RGPD3: variants seen among roughly 807,000 people sequenced by gnomAD.
RGPD3 encodes the protein ranBP2-like and GRIP domain-containing protein 3.
Under a neutral mutation model 154.5 loss-of-function variants are expected in RGPD3, and 62 were observed. The ratio of observed to expected loss-of-function variants is 0.40; its 90% CI spans 0.33 to 0.50. The LOEUF (loss-of-function observed/expected upper bound fraction) is 0.50, where lower values mean the gene tolerates loss of function less well. Ranked by LOEUF, RGPD3 falls within the 20% of genes least tolerant of loss-of-function variation. The probability of loss-of-function intolerance (pLI) is 0.59; values close to 1 mark genes in which losing one functional copy is unlikely to be tolerated. For synonymous variants in RGPD3, 308 were observed against 607.0 expected (o/e 0.51, Z 7.24); for missense variants, 919 against 1,716.8 (o/e 0.54, Z 8.21).
intron 1 of RGPD3, among the ~76,000 whole-genome samples, 190 bp downstream of exon 1, chr2:106,468,027 C>T (rs1242272007): frequency 2.8e-5 from 4 of 143,570 alleles, no homozygotes; most frequent in Admixed American, 6.8e-5. Context: ...CAGCGCCGGT[C>T]GGGAGCCATG....
chr2:106,458,708 AAG>A (rs1288808247), intron 2 of RGPD3, among the ~76,000 whole-genome samples: 19 of 73,918 alleles, frequency 2.6e-4, no homozygotes, highest in South Asian at 7.3e-4. Flanking sequence ...CTGCCTGAGC[AAG>A]AGAGACAGAT....
intron 1 of RGPD3, among the ~76,000 whole-genome samples, chr2:106,463,662 T>C (rs1292786670): frequency 6.6e-6 from 1 of 151,166 alleles, no homozygotes; most frequent in Non-Finnish European, 1.5e-5. Flanking sequence ...CACAGCTGTG[T>C]AGCAAAGAGG....
intron 1 of RGPD3, 102 bp downstream of exon 1, chr2:106,468,115 G>A (rs938519298): frequency 2.5e-5 from 36 of 1,439,336 alleles, no homozygotes; most frequent in Admixed American, 7.2e-5. Context: ...AGCAGCGCTC[G>A]TCGGGAGCCA....
intron 22 of RGPD3, among the ~76,000 whole-genome samples, chr2:106,407,439 G>C (rs1186288805): frequency 6.6e-6 from 1 of 151,716 alleles, no homozygotes; most frequent in African/African-American, 2.4e-5. Flanking sequence ...AGAACTTCTA[G>C]AAAGTAGAAG....
At chr2:106,418,341 T>C (rs1676875879) in intron 20 of RGPD3, among the ~76,000 whole-genome samples, 1 of 150,228 alleles carries the variant, frequency 6.7e-6, no homozygotes, top group African/African-American at 2.4e-5. Context: ...TTCTAGCAAT[T>C]TTTCAGGATT....
rs1324208581 is a variant in RGPD3, at chr2:106,442,287, C to T, written c.979-907G>A. Among the ~76,000 whole-genome samples the T allele has an allele frequency of 4.2e-4, 41 of 96,602 alleles. 1 individual carries two copies. The Middle Eastern group carries it at 0.018, about 42-fold the overall frequency. The allele number at this position is 96,602 out of a possible 152,430, so 63.4% of individuals were successfully genotyped here. ...TTCAGAGAAATGGAAAATTTAATTACATTACTTTTCTACCCTGCATAAATA... is the reference window on the plus strand; with the variant it reads ...TTCAGAGAAATGGAAAATTTAATTATATTACTTTTCTACCCTGCATAAATA... On this transcript the variant is annotated intron_variant, in intron 7 of 22. Transcript: ENST00000409886.
chr2:106,430,221 T>C (rs1217719919), intron 17 of RGPD3, among the ~76,000 whole-genome samples: 2 of 151,452 alleles, frequency 1.3e-5, no homozygotes, highest in Non-Finnish European at 2.9e-5. Context: ...TGCCAATGAG[T>C]TCTAGGTACC....
At chr2:106,466,456 T>A (rs184609270) in intron 1 of RGPD3, among the ~76,000 whole-genome samples, 574 of 9,294 alleles carry the variant, frequency 0.062, 54 homozygotes, top group East Asian at 0.51. Flanking sequence ...AGGCCGCCGC[T>A]GGGCCGGGTC....
At chr2:106,469,619 T>TA (rs1678760704), upstream of RGPD3, among the ~76,000 whole-genome samples, 1 of 152,202 alleles carries the variant, frequency 6.6e-6, no homozygotes, top group Non-Finnish European at 1.5e-5. Context: ...CCTAACTTGG[T>TA]AAATCCAGGT....
rs1394030150 is a variant in RGPD3, at chr2:106,440,418, TA to T, written c.1066+874del. ...CCTCGGGATGCCCAGATCAAAGATA[TA>T]AAAAAAAATACAGGCAATTTTTATC... is the stretch of plus-strand genomic sequence containing the variant. On this transcript the variant is annotated intron_variant, in intron 8 of 22. Coordinates refer to ENST00000409886, the MANE Select transcript of RGPD3 (RefSeq NM_001144013.2). Among the ~76,000 whole-genome samples the T allele has an allele frequency of 2.7e-5, 4 of 150,112 alleles. No individual in the cohort carries two copies. The East Asian group carries it at 7.8e-4, about 29-fold the overall frequency.
At chr2:106,442,406 T>G (rs552708096) in intron 7 of RGPD3, among the ~76,000 whole-genome samples, 2 of 103,230 alleles carry the variant, frequency 1.9e-5, no homozygotes, top group African/African-American at 7.8e-5. Flanking sequence ...ACATTGTAGA[T>G]AACACATTTT....
At chr2:106,414,313 G>A (rs534056233) in intron 21 of RGPD3, among the ~76,000 whole-genome samples, 1 of 152,276 alleles carries the variant, frequency 6.6e-6, no homozygotes, top group South Asian at 2.1e-4. Context: ...ATCATGAAGA[G>A]AGTATAAATT....
Position 106,415,930 on chromosome 2 carries a change from T to C in RGPD3, c.4984A>G (p.Thr1662Ala), listed in dbSNP as rs1451447190. 6.2e-7 allele frequency: 1 copy of C among 1,611,860 alleles called. No homozygotes were observed. The highest frequency in any genetic ancestry group is 1.7e-5 in the Admixed American group (1 of 59,998). Residue 1662 changes from threonine to alanine, a missense_variant, in exon 21 of 23, where the codon ACC (threonine) becomes GCC (alanine). Coordinates refer to ENST00000409886, the MANE Select transcript of RGPD3 (RefSeq NM_001144013.2). ...KEELVQKLSS[T>A]TKSADHLNGL... ...TTTAAGTGATCTGCACTTTTTGTGG[T>C]GGAACTGAGCTTCTGAACCAATTCT... is the stretch of plus-strand genomic sequence containing the variant.
rs1294973639 is a variant in RGPD3, at chr2:106,448,697, G to T, written c.783-1084C>A. On this transcript the variant is annotated intron_variant, in intron 6 of 22. Coordinates refer to ENST00000409886, the MANE Select transcript of RGPD3 (RefSeq NM_001144013.2). The stretch of plus-strand genomic sequence containing the variant: ...CATGTATGTAGAGCTGAGTTTTTTT[G>T]TTTTTGTTTTTGGAGACAGAATCTC... Among the ~76,000 whole-genome samples the T allele has an allele frequency of 1.9e-4, 28 of 151,010 alleles. 1 individual carries two copies. Among genetic ancestry groups the T allele is most frequent in the African/African-American group, 6.6e-4 (27 of 40,992 alleles).
At chr2:106,414,098 A>G (rs1221354537) in intron 21 of RGPD3, among the ~76,000 whole-genome samples, 2 of 152,050 alleles carry the variant, frequency 1.3e-5, no homozygotes, top group Non-Finnish European at 2.9e-5. Flanking sequence ...GGAATATAAG[A>G]CAATGTAAAA....
Position 106,424,332 on chromosome 2 carries a change from T to C in RGPD3, c.3635A>G (p.Asp1212Gly), listed in dbSNP as rs1414505916. The change falls in exon 20 of 23, where the codon GAT (aspartate) becomes GGT (glycine). Residue 1212 changes from aspartate (D) to glycine (G), a missense_variant. Coordinates refer to ENST00000409886, the MANE Select transcript of RGPD3 (RefSeq NM_001144013.2). ...LKDFKTFLTN[D>G]QTKVAEEENK... ...TTCTTCCTCAGCGACTTTTGTTTGATCATTTGTCAAAAATGTTTTGAAATC... is the reference window on the plus strand; with the variant it reads ...TTCTTCCTCAGCGACTTTTGTTTGACCATTTGTCAAAAATGTTTTGAAATC... 1.2e-6 allele frequency: 2 copies of C among 1,611,900 alleles called. No homozygotes were observed. Among genetic ancestry groups the C allele is most frequent in the East Asian group, 2.2e-5 (1 of 44,870 alleles).
intron 22 of RGPD3, among the ~76,000 whole-genome samples, chr2:106,412,327 TTTTTG>T (rs1676700562): frequency 9.4e-6 from 1 of 106,342 alleles, no homozygotes; most frequent in South Asian, 3.8e-4. Context: ...TTTTTTTTTT[TTTTTG>T]AGATGGAGTC....
intron 18 of RGPD3, among the ~76,000 whole-genome samples, chr2:106,426,757 G>A (rs1040529892): frequency 7.9e-5 from 12 of 152,364 alleles, no homozygotes; most frequent in Admixed American, 5.2e-4. Flanking sequence ...ACTGTTTTAT[G>A]ATAGTTTTAC....
chr2:106,441,231 G>T, intron 8 of RGPD3, 62 bp downstream of exon 8: 1 of 1,574,134 alleles, frequency 6.4e-7, no homozygotes, highest in African/African-American at 1.4e-5. Context: ...TTTATCATAA[G>T]ATATGCCTTA....
Sources: allele counts gnomAD v4.1 joint callset (sites outside exome capture counted in the v4.1 genomes callset), GRCh38; gene constraint gnomAD v4.1.1; transcripts MANE v1.5; gene names NCBI Gene and HGNC (gene_info 2026-07-23, HGNC 2026-07-21).